The following FAM47E variants were observed in gnomAD, a reference collection of about 807,000 sequenced individuals.
FAM47E encodes the protein family with sequence similarity 47 member E, also known as protein FAM47E.
FAM47E carries 32 observed loss-of-function variants against 41.6 expected under a neutral mutation model. The ratio of observed to expected loss-of-function variants is 0.77; its 90% CI spans 0.58 to 1.03. FAM47E has a LOEUF of 1.03. Ranked by LOEUF, FAM47E falls within the 50% of genes least tolerant of loss-of-function variation. The pLI is 0.00. For missense variants in FAM47E, 424 were observed against 485.4 expected, an observed-to-expected ratio of 0.87 and a Z score of 1.19; for synonymous variants, 184 against 188.7, an observed-to-expected ratio of 0.98 and a Z score of 0.20.
At chr4:76,214,805 C>G (rs887075931) in intron 1 of FAM47E, among the ~76,000 whole-genome samples, 1 of 152,142 alleles carries the variant, frequency 6.6e-6, no homozygotes, top group African/African-American at 2.4e-5. Context: ...TGTGTTTGTC[C>G]CAGTCCTCCA....
chr4:76,236,069 AT>A (rs1172067373), intron 2 of FAM47E, among the ~76,000 whole-genome samples: 1 of 152,118 alleles, frequency 6.6e-6, no homozygotes, highest in East Asian at 1.9e-4. Flanking sequence ...ACTGGTTTGA[AT>A]TTTTTACATA....
intron 2 of FAM47E, among the ~76,000 whole-genome samples, chr4:76,239,817 GT>G (rs1429803572): frequency 6.6e-6 from 1 of 151,940 alleles, no homozygotes; most frequent in Non-Finnish European, 1.5e-5. Context: ...TTCTAATGTT[GT>G]GAACTTTTGC....
At chr4:76,256,995 C>T (rs1222327376) in intron 2 of FAM47E, among the ~76,000 whole-genome samples, 1 of 152,152 alleles carries the variant, frequency 6.6e-6, no homozygotes, top group African/African-American at 2.4e-5. Flanking sequence ...ATGGTCCAGA[C>T]TAGGGCTGGA....
chr4:76,227,825 T>A (rs1733424514), intron 2 of FAM47E, among the ~76,000 whole-genome samples: 1 of 152,218 alleles, frequency 6.6e-6, no homozygotes, highest in Non-Finnish European at 1.5e-5. Context: ...AAAGTCTGTT[T>A]TGTCTGATAT....
chr4:76,240,919 G>A (rs1324508157), intron 2 of FAM47E, among the ~76,000 whole-genome samples: 1 of 151,948 alleles, frequency 6.6e-6, no homozygotes, highest in Admixed American at 6.6e-5. Flanking sequence ...GACAGTTTCT[G>A]TTGGTTTATT....
intron 4 of FAM47E, among the ~76,000 whole-genome samples, chr4:76,271,044 C>T (rs1304217111): frequency 6.6e-6 from 1 of 152,152 alleles, no homozygotes; most frequent in African/African-American, 2.4e-5. Flanking sequence ...TAAGATATAG[C>T]CTTGAGCCAT....
At chr4:76,226,252 C>T (rs780257561) in intron 2 of FAM47E, among the ~76,000 whole-genome samples, 5 of 152,024 alleles carry the variant, frequency 3.3e-5, no homozygotes, top group Non-Finnish European at 5.9e-5. Flanking sequence ...GTGGTGAGGA[C>T]GTGTGGACAT....
intron 2 of FAM47E, among the ~76,000 whole-genome samples, chr4:76,244,116 C>T (rs1733769281): frequency 1.3e-5 from 2 of 152,164 alleles, no homozygotes; most frequent in African/African-American, 2.4e-5. Flanking sequence ...TGTATATGTA[C>T]CACATTTTCT....
At position 76,256,204 on chromosome 4, in the gene FAM47E, TG is replaced by T. The variant is rs1560742370; in HGVS notation, c.102del (p.Lys35SerfsTer32). 3 of 1,551,494 alleles carry T rather than the reference TG, an allele frequency of 1.9e-6. No homozygotes were observed. Among genetic ancestry groups the T allele is most frequent in the Non-Finnish European group, 2.6e-6 (3 of 1,146,978 alleles). ...TGTTTCACAAAGCACAAGAACGGGC[TG>T]AAGTTCCCCACCTCTCTGCACAGCC... is the stretch of plus-strand genomic sequence containing the variant. The part of the protein sequence containing the change: ...SRCFTKHKNG[L>X]KFPTSLHSRQ... On this transcript the variant is annotated frameshift_variant, in exon 2 of 8. Coordinates refer to ENST00000424749, the MANE Select transcript of FAM47E (RefSeq NM_001136570.3). LOFTEE classifies it high-confidence loss of function.
chr4:76,240,099 C>T (rs183147965), intron 2 of FAM47E, among the ~76,000 whole-genome samples: 14 of 152,212 alleles, frequency 9.2e-5, no homozygotes, highest in East Asian at 5.8e-4. Flanking sequence ...CTGTTTTGAT[C>T]GCTGTAACTT....
intron 2 of FAM47E, among the ~76,000 whole-genome samples, chr4:76,263,488 A>G (rs1204784938): frequency 1.3e-5 from 2 of 152,022 alleles, no homozygotes; most frequent in Non-Finnish European, 2.9e-5. Context: ...AGGGATTATG[A>G]TCTTTTAGGA....
At chr4:76,225,004 C>A (rs4306982) in intron 2 of FAM47E, among the ~76,000 whole-genome samples, 46,807 of 151,902 alleles carry the variant, frequency 0.31, 7,369 homozygotes, top group African/African-American at 0.38. Context: ...TATGCATCCT[C>A]ATAGCTTAGC....
At chr4:76,258,202 C>A (rs752934909) in intron 2 of FAM47E, among the ~76,000 whole-genome samples, 1 of 152,170 alleles carries the variant, frequency 6.6e-6, no homozygotes, top group Non-Finnish European at 1.5e-5. Flanking sequence ...AGGTGGCCAT[C>A]AGAAGATCCA....
chr4:76,222,683 TGTTGAAGTTCTC>T (rs1397819285), intron 2 of FAM47E, among the ~76,000 whole-genome samples: 1 of 152,238 alleles, frequency 6.6e-6, no homozygotes, highest in Non-Finnish European at 1.5e-5. Context: ...TGCTTGTCAC[TGTTGAAGTTCTC>T]TCAAACTCTA....
chr4:76,262,640 T>C (rs1305256804), intron 2 of FAM47E, among the ~76,000 whole-genome samples: 1 of 152,234 alleles, frequency 6.6e-6, no homozygotes, highest in Non-Finnish European at 1.5e-5. Context: ...ATAAAAACAT[T>C]GAAACTTCAT....
intron 2 of FAM47E, among the ~76,000 whole-genome samples, chr4:76,226,945 AT>A (rs1410506227): frequency 6.6e-6 from 1 of 152,092 alleles, no homozygotes; most frequent in Non-Finnish European, 1.5e-5. Flanking sequence ...CTAATGGTCT[AT>A]CAATTTTGTT....
At chr4:76,227,095 T>C (rs1733411585) in intron 2 of FAM47E, among the ~76,000 whole-genome samples, 2 of 152,210 alleles carry the variant, frequency 1.3e-5, no homozygotes, top group African/African-American at 4.8e-5. Flanking sequence ...CTTGTTTCTC[T>C]AGTTTCTTGA....
intron 5 of FAM47E, among the ~76,000 whole-genome samples, chr4:76,277,210 C>A (rs6810903): frequency 1.3e-5 from 2 of 152,022 alleles, no homozygotes; most frequent in African/African-American, 4.8e-5. Context: ...CTTGGCTGGG[C>A]GCAGTGGCTC....
intron 2 of FAM47E, among the ~76,000 whole-genome samples, chr4:76,244,854 CAT>C (rs34521402): frequency 0.11 from 16,918 of 152,158 alleles, 1,042 homozygotes; most frequent in African/African-American, 0.18. Flanking sequence ...TAAGTGTTGA[CAT>C]ATGTTTTCTC....
Sources: gnomAD v4.1 joint callset for allele counts (sites outside exome capture counted in the v4.1 genomes callset) on GRCh38, gnomAD v4.1.1 for gene constraint, MANE v1.5 for transcripts, NCBI Gene and HGNC (gene_info 2026-07-23, HGNC 2026-07-21) for gene names.